MOXD1: variants seen among roughly 807,000 people sequenced by gnomAD.
MOXD1 encodes DBH-like monooxygenase protein 1.
MOXD1 carries 62 observed loss-of-function variants against 66.6 expected under a neutral mutation model. The ratio of observed to expected loss-of-function variants is 0.93; its 90% CI spans 0.76 to 1.15. The LOEUF is 1.15. MOXD1 is among the 50% of genes most tolerant of loss of function. The pLI, the probability that MOXD1 is intolerant of heterozygous loss-of-function variation, is 0.00. For missense variants in MOXD1, 847 were observed against 754.6 expected (o/e 1.12, Z -1.44); for synonymous variants, 303 against 281.9 (o/e 1.07, Z -0.75).
At chr6:132,305,165 C>A (rs1408266917) in intron 10 of MOXD1, among the ~76,000 whole-genome samples, 1 of 152,244 alleles carries the variant, frequency 6.6e-6, no homozygotes, top group African/African-American at 2.4e-5. Flanking sequence ...CCAGACTGTG[C>A]TTTTCCCCTG....
chr6:132,327,898 A>G lies in MOXD1; in HGVS notation c.946+115T>C, dbSNP rs1775221910. ...GTATCCTAATTTGAATGACAAATAT[A>G]TAGGTTAATTCCTTCTAACACTGGC... On this transcript the variant is annotated intron_variant, in intron 6 of 11. Transcript: ENST00000367963. 4 of 740,566 alleles carry G rather than the reference A, an allele frequency of 5.4e-6. No homozygotes were observed. The East Asian group carries it at 1.0e-4, about 19-fold the overall frequency. 45.9% of individuals were successfully genotyped at this position (740,566 alleles called of 1,614,324 possible). A position where few individuals can be genotyped will look rare whatever the true frequency, so the allele number is the denominator to read the frequency against.
At chr6:132,306,489 T>C (rs539262505) in intron 10 of MOXD1, among the ~76,000 whole-genome samples, 6 of 151,992 alleles carry the variant, frequency 3.9e-5, no homozygotes, top group Non-Finnish European at 8.8e-5. Flanking sequence ...CAGGCCAACA[T>C]GCAAATCAGG....
chr6:132,302,018 A>T (rs956819356), intron 10 of MOXD1, among the ~76,000 whole-genome samples: 5 of 152,208 alleles, frequency 3.3e-5, no homozygotes, highest in Non-Finnish European at 5.9e-5. Context: ...GGGAGTCTGA[A>T]GAAGCTTACA....
rs761283646 is a variant in MOXD1, at chr6:132,324,063, G to A, written c.981C>T (p.Tyr327=). Residue 327 remains tyrosine, a synonymous_variant, in exon 7 of 12, where the codon TAC becomes TAT. Coordinates refer to ENST00000367963, the MANE Select transcript of MOXD1 (RefSeq NM_015529.4). ...LIDNSGLRLF[Y]TMDIRKYDAG... is the part of the protein sequence containing the mutation. ...CATCATATTTCCTTATATCCATTGT[G>A]TAAAATAACCTCAGTCCAGAATTAT... 4.8e-5 allele frequency: 77 copies of A among 1,613,688 alleles called. No homozygotes were observed. Among genetic ancestry groups the A allele is most frequent in the Non-Finnish European group, 6.5e-5 (77 of 1,179,806 alleles).
At chr6:132,300,738 A>T (rs190411322) in intron 10 of MOXD1, among the ~76,000 whole-genome samples, 174 of 152,334 alleles carry the variant, frequency 1.1e-3, no homozygotes, top group African/African-American at 4.1e-3. Flanking sequence ...AGATATGTAG[A>T]AAGGCCAAGC....
At chr6:132,355,551 C>T (rs945624094) in intron 4 of MOXD1, among the ~76,000 whole-genome samples, 1 of 152,124 alleles carries the variant, frequency 6.6e-6, no homozygotes, top group Non-Finnish European at 1.5e-5. Context: ...GGAACTGTGC[C>T]ATCACCATTT....
rs3038136 is a variant in MOXD1, at chr6:132,378,875, C to CTTTTTTTTTTTTTTTT, written c.265-4114_265-4099dup. On this transcript the variant is annotated intron_variant, in intron 1 of 11. Transcript: ENST00000367963. ...AATGAAAGAGGACAGAACACTTCCT[C>CTTTTTTTTTTTTTTTT]TTTTTTTTTTTTTTTTTTTTTTTTT... Among the ~76,000 whole-genome samples, 4 of 41,916 alleles carry CTTTTTTTTTTTTTTTT rather than the reference C, an allele frequency of 9.5e-5. 1 individual carries two copies. The highest frequency in any genetic ancestry group is 3.8e-4 in the Admixed American group (1 of 2,626). The allele number at this position is 41,916 out of a possible 152,430, so 27.5% of individuals were successfully genotyped here. A position where few individuals can be genotyped will look rare whatever the true frequency, so the allele number is the denominator to read the frequency against.
At chr6:132,370,060 A>G (rs138285740) in intron 4 of MOXD1, among the ~76,000 whole-genome samples, 5 of 152,232 alleles carry the variant, frequency 3.3e-5, no homozygotes, top group Admixed American at 2.6e-4. Context: ...ACAATATGAT[A>G]TAAAATCAAT....
At chr6:132,331,541 T>C (rs1775318389) in intron 4 of MOXD1, among the ~76,000 whole-genome samples, 1 of 152,142 alleles carries the variant, frequency 6.6e-6, no homozygotes, top group Non-Finnish European at 1.5e-5. Context: ...AACACCAAAC[T>C]GCAAAGCTAC....
At chr6:132,312,391 CA>C (rs1253758713) in intron 10 of MOXD1, among the ~76,000 whole-genome samples, 4 of 151,994 alleles carry the variant, frequency 2.6e-5, no homozygotes, top group African/African-American at 7.2e-5. Context: ...CTAAGCAAAA[CA>C]GAAAAAAAGC....
intron 7 of MOXD1, among the ~76,000 whole-genome samples, chr6:132,323,130 T>C (rs570750363): frequency 6.6e-6 from 1 of 152,340 alleles, no homozygotes; most frequent in African/African-American, 2.4e-5. Flanking sequence ...TTTTTCCTTC[T>C]TTTAGGAGGA....
At chr6:132,313,470 A>C (rs1774874350) in intron 10 of MOXD1, among the ~76,000 whole-genome samples, 1 of 152,230 alleles carries the variant, frequency 6.6e-6, no homozygotes, top group African/African-American at 2.4e-5. Context: ...AATTTAATTC[A>C]AAAAGAGGAG....
chr6:132,300,445 GA>G (rs1562275251), intron 10 of MOXD1, among the ~76,000 whole-genome samples: 1 of 152,044 alleles, frequency 6.6e-6, no homozygotes, highest in African/African-American at 2.4e-5. Flanking sequence ...TGCCTAATTT[GA>G]AAAAGAGAAA....
In MOXD1 at chr6:132,315,678, G is replaced by C; in HGVS notation, c.1465C>G (p.Gln489Glu). The change falls in exon 10 of 12, where the codon CAA becomes GAA. Residue 489 changes from glutamine (Q) to glutamate (E), a missense_variant. Physicochemically the swap from Gln to Glu is conservative, Grantham distance 29. Transcript: ENST00000367963. ...RCASIPDIME[Q>E]LQFIGVKEIY... ...TCCTTAACCCCAATGAACTGAAGTTGTTCCATAATGTCTGGAATACTTGCA... is the reference window on the plus strand; with the variant it reads ...TCCTTAACCCCAATGAACTGAAGTTCTTCCATAATGTCTGGAATACTTGCA... The C allele has an allele frequency of 1.2e-6, 2 of 1,613,334 alleles. No homozygotes were observed. The highest frequency in any genetic ancestry group is 1.7e-6 in the Non-Finnish European group (2 of 1,179,534).
chr6:132,303,830 TG>T (rs2114531023), intron 10 of MOXD1, among the ~76,000 whole-genome samples: 1 of 69,680 alleles, frequency 1.4e-5, no homozygotes, highest in African/African-American at 5.3e-5. Flanking sequence ...TGTGTGTGTG[TG>T]TGTGTATATA....
At chr6:132,350,725 T>C (rs1775784692) in intron 4 of MOXD1, among the ~76,000 whole-genome samples, 1 of 152,226 alleles carries the variant, frequency 6.6e-6, no homozygotes, top group Admixed American at 6.5e-5. Context: ...AGTACAGTCA[T>C]TTTCACAATA....
intron 1 of MOXD1, among the ~76,000 whole-genome samples, chr6:132,387,646 C>G (rs1246692808): frequency 6.7e-6 from 1 of 149,012 alleles, no homozygotes; most frequent in Non-Finnish European, 1.5e-5. Context: ...CCTAGCTACT[C>G]CGGAGGCTGA....
intron 6 of MOXD1, among the ~76,000 whole-genome samples, chr6:132,327,034 T>C (rs1452300382): frequency 6.6e-6 from 1 of 152,222 alleles, no homozygotes; most frequent in Non-Finnish European, 1.5e-5. Flanking sequence ...TACAAGATCT[T>C]AGATGGTCTG....
At chr6:132,344,568 A>C (rs1434947669) in intron 4 of MOXD1, among the ~76,000 whole-genome samples, 1 of 152,208 alleles carries the variant, frequency 6.6e-6, no homozygotes, top group Admixed American at 6.5e-5. Flanking sequence ...CTGGATTGAG[A>C]ACCTCTGTTC....
Sources: allele counts gnomAD v4.1 joint callset (sites outside exome capture counted in the v4.1 genomes callset), GRCh38; gene constraint gnomAD v4.1.1; transcripts MANE v1.5; gene names NCBI Gene and HGNC (gene_info 2026-07-23, HGNC 2026-07-21).